Variants in EPHB2 observed in about 807,000 individuals in gnomAD.
EPHB2 encodes the protein EPH receptor B2, also known as ephrin type-B receptor 2.
Under a neutral mutation model 96.4 loss-of-function variants are expected in EPHB2, and 18 were observed. That is an observed-to-expected ratio of 0.19 (90% confidence interval 0.13 to 0.28). The LOEUF (loss-of-function observed/expected upper bound fraction) is 0.28. EPHB2 is among the 10% of genes least tolerant of loss of function. The pLI, the probability that EPHB2 is intolerant of heterozygous loss-of-function variation, is 1.00. For synonymous variants in EPHB2, 506 were observed against 534.1 expected, an observed-to-expected ratio of 0.95 and a Z score of 0.72; for missense variants, 989 against 1,355.4, an observed-to-expected ratio of 0.73 and a Z score of 4.25.
chr1:22,803,921 A>G (rs1241980738), intron 3 of EPHB2, among the ~76,000 whole-genome samples: 1 of 150,972 alleles, frequency 6.6e-6, no homozygotes, highest in Non-Finnish European at 1.5e-5. Flanking sequence ...CTCAAGAGAA[A>G]AAAAAAAAGT....
chr1:22,739,671 A>G (rs1171167389), intron 1 of EPHB2, among the ~76,000 whole-genome samples: 4 of 152,186 alleles, frequency 2.6e-5, no homozygotes, highest in African/African-American at 4.8e-5. Context: ...AGGGTCTGTC[A>G]TGGATGATCA....
At chr1:22,904,434 A>G (rs1484798432) in intron 9 of EPHB2, among the ~76,000 whole-genome samples, 1 of 152,206 alleles carries the variant, frequency 6.6e-6, no homozygotes, top group Non-Finnish European at 1.5e-5. Flanking sequence ...TGAATAGAAA[A>G]GGACAATCAT....
At chr1:22,716,830 C>T (rs964458598) in intron 1 of EPHB2, among the ~76,000 whole-genome samples, 1 of 152,188 alleles carries the variant, frequency 6.6e-6, no homozygotes, top group African/African-American at 2.4e-5. Context: ...GGCAGGGGAC[C>T]CATGCTCCCA....
intron 1 of EPHB2, among the ~76,000 whole-genome samples, chr1:22,763,797 G>C (rs777306694): frequency 1.1e-4 from 16 of 152,152 alleles, no homozygotes; most frequent in Non-Finnish European, 1.5e-4. Flanking sequence ...TGGCCAGCGG[G>C]GGGTGAAGGG....
chr1:22,848,216 A>G (rs2148505822), intron 3 of EPHB2, among the ~76,000 whole-genome samples: 1 of 152,286 alleles, frequency 6.6e-6, no homozygotes, highest in Middle Eastern at 3.4e-3. Flanking sequence ...AAGAGAACTC[A>G]TACTTCTTAG....
chr1:22,895,687 C>A, intron 8 of EPHB2, 107 bp downstream of exon 8: 1 of 1,057,492 alleles, frequency 9.5e-7, no homozygotes, highest in Non-Finnish European at 1.4e-6. Context: ...GGCATTCTCA[C>A]AATTGCAGGG....
chr1:22,883,757 G>A (rs545329287), intron 6 of EPHB2, among the ~76,000 whole-genome samples: 46 of 152,282 alleles, frequency 3.0e-4, no homozygotes, highest in African/African-American at 9.1e-4. Flanking sequence ...TTTGCCGGCC[G>A]TCTTACCATT....
intron 3 of EPHB2, among the ~76,000 whole-genome samples, chr1:22,856,306 A>G: frequency 6.6e-6 from 1 of 152,188 alleles, no homozygotes; most frequent in East Asian, 1.9e-4. Flanking sequence ...CCCAGAGCCC[A>G]GGGGCAGGCG....
At chr1:22,912,709 A>T in intron 15 of EPHB2, 110 bp downstream of exon 15, 1 of 1,545,766 alleles carries the variant, frequency 6.5e-7, no homozygotes, top group East Asian at 2.3e-5. Flanking sequence ...CCCAATAGGG[A>T]AGCAGGGACC....
chr1:22,782,620 C>A (rs566656685), intron 2 of EPHB2, among the ~76,000 whole-genome samples: 2 of 152,014 alleles, frequency 1.3e-5, no homozygotes, highest in Non-Finnish European at 2.9e-5. Context: ...GGCCCCCGGA[C>A]GCAATTATTT....
intron 1 of EPHB2, 92 bp downstream of exon 1, chr1:22,711,135 A>C: frequency 6.9e-6 from 1 of 144,002 alleles, no homozygotes; most frequent in Non-Finnish European, 1.5e-5. Context: ...GCGGCCCGCA[A>C]AGTTTGCCCG....
chr1:22,905,249 T>A (rs984334925), intron 9 of EPHB2, among the ~76,000 whole-genome samples: 1 of 152,118 alleles, frequency 6.6e-6, no homozygotes, highest in Non-Finnish European at 1.5e-5. Flanking sequence ...ATAATAATAA[T>A]AAAACTAAAA....
In EPHB2 at chr1:22,880,371, G is replaced by A. The variant is rs536953001; in HGVS notation, c.1304-1988G>A. Among the ~76,000 whole-genome samples the A allele has an allele frequency of 2.0e-5, 3 of 152,368 alleles. No homozygotes were observed. In the South Asian group the frequency reaches 6.2e-4, roughly 32 times the overall value. On this transcript the variant is annotated intron_variant, in intron 5 of 15. Transcript: ENST00000374630. The stretch of plus-strand genomic sequence containing the variant: ...TGCAGAGCAGGACTTGGGGCTAGGA[G>A]AAGTGTCAGCCTCCACTTTCCAGTG...
At position 22,914,147 on chromosome 1, in the gene EPHB2, A is replaced by C. The variant is rs1175642871; in HGVS notation, c.*577A>C. ...TTCCTGCCACCACTGGGCAAACAGA[A>C]GAATTTTTCTGTCTTTGGAGAGTAT... On this transcript the variant is annotated 3_prime_UTR_variant, in exon 16 of 16. Coordinates refer to ENST00000374630, the MANE Select transcript of EPHB2 (RefSeq NM_017449.5). 3 of 416,878 alleles carry C rather than the reference A, an allele frequency of 7.2e-6. No individual in the cohort carries two copies. In the East Asian group the frequency reaches 1.2e-4, roughly 17 times the overall value. The allele number at this position is 416,878 out of a possible 1,614,324, so 25.8% of individuals were successfully genotyped here. A position where few individuals can be genotyped will look rare whatever the true frequency, so the allele number is the denominator to read the frequency against.
intron 3 of EPHB2, among the ~76,000 whole-genome samples, chr1:22,848,614 G>A (rs992483476): frequency 6.6e-6 from 1 of 152,212 alleles, no homozygotes; most frequent in Admixed American, 6.5e-5. Flanking sequence ...TGGGTTAGCT[G>A]AGGCCTTCTC....
Position 22,865,172 on chromosome 1 carries a change from G to T in EPHB2, c.1263G>T (p.Ser421=). The T allele has an allele frequency of 1.2e-6, 2 of 1,614,154 alleles. No homozygotes were observed. Among genetic ancestry groups the T allele is most frequent in the Middle Eastern group, 1.6e-4 (1 of 6,062 alleles). ...VNGVTDQSPF[S]PQFASVNITT... Reference sequence around the variant, plus strand: ...GCGTTACTGACCAGAGCCCCTTCTCGCCTCAGTTCGCCTCTGTGAACATCA... The same window carrying T: ...GCGTTACTGACCAGAGCCCCTTCTCTCCTCAGTTCGCCTCTGTGAACATCA... Residue 421 remains serine (S), a synonymous_variant, in exon 5 of 16, where the codon TCG becomes TCT. Coordinates refer to ENST00000374630, the MANE Select transcript of EPHB2 (RefSeq NM_017449.5).
In EPHB2 at chr1:22,909,159, G is replaced by A; in HGVS notation, c.2490G>A (p.Met830Ile). Reference sequence around the variant, plus strand: ...ATGGGGAGCGGCCCTACTGGGACATGACCAACCAGGATGTAAGTCTCCAAG... The same window carrying A: ...ATGGGGAGCGGCCCTACTGGGACATAACCAACCAGGATGTAAGTCTCCAAG... The part of the protein sequence containing the change: ...MSYGERPYWD[M>I]TNQDVINAIE... The change falls in exon 13 of 16, where the codon ATG (methionine) becomes ATA (isoleucine). Residue 830 changes from methionine to isoleucine, a missense_variant. Met to Ile is a conservative substitution (Grantham distance 10). Coordinates refer to ENST00000374630, the MANE Select transcript of EPHB2 (RefSeq NM_017449.5). 6.2e-7 allele frequency: 1 copy of A among 1,614,220 alleles called. No homozygotes were observed. The highest frequency in any genetic ancestry group is 8.5e-7 in the Non-Finnish European group (1 of 1,180,032).
At chr1:22,788,846 C>A (rs577979396) in intron 3 of EPHB2, among the ~76,000 whole-genome samples, 94 of 150,846 alleles carry the variant, frequency 6.2e-4, no homozygotes, top group African/African-American at 2.2e-3. Flanking sequence ...GCTCTGCCTC[C>A]TGGGTTCAAG....
intron 5 of EPHB2, among the ~76,000 whole-genome samples, chr1:22,872,768 C>G (rs1194287353): frequency 6.6e-6 from 1 of 152,252 alleles, no homozygotes; most frequent in East Asian, 1.9e-4. Flanking sequence ...TCCTCCTGCC[C>G]TGCTGTGGGG....
Sources: gnomAD v4.1 joint callset for allele counts (sites outside exome capture counted in the v4.1 genomes callset) on GRCh38, gnomAD v4.1.1 for gene constraint, MANE v1.5 for transcripts, NCBI Gene and HGNC (gene_info 2026-07-23, HGNC 2026-07-21) for gene names.